EPRS1: variants seen among roughly 807,000 people sequenced by gnomAD.
EPRS1 encodes the protein bifunctional glutamate/proline--tRNA ligase.
A neutral mutation model predicts 188.3 loss-of-function variants in EPRS1; 107 were observed. The observed-to-expected ratio is 0.57, with a 90% CI of 0.49 to 0.67. The LOEUF (loss-of-function observed/expected upper bound fraction) is 0.67. EPRS1 is among the 30% of genes least tolerant of loss of function. The pLI is 0.00. For synonymous variants in EPRS1, 596 were observed against 593.1 expected, an observed-to-expected ratio of 1.00 and a Z score of -0.07; for missense variants, 1,577 against 1,802.2, an observed-to-expected ratio of 0.88 and a Z score of 2.26.
rs538433396 is a variant in EPRS1, at chr1:219,974,404, GT to G, written c.4084-1007del. On this transcript the variant is annotated intron_variant, in intron 28 of 31. Coordinates refer to ENST00000366923, the MANE Select transcript of EPRS1 (RefSeq NM_004446.3). ...CTTGGGAATGTTCAATCTTGTGAAT[GT>G]GTATCCCGTAAGGGGATTAAAATCC... Among the ~76,000 whole-genome samples the G allele has an allele frequency of 6.4e-4, 98 of 152,318 alleles. No individual in the cohort carries two copies. The South Asian group carries it at 0.02, about 31-fold the overall frequency.
chr1:220,002,884 G>T (rs1364492041), intron 16 of EPRS1, among the ~76,000 whole-genome samples: 6 of 152,144 alleles, frequency 3.9e-5, no homozygotes. Context: ...AAAGGGTATA[G>T]TAATTAGCAA....
At chr1:220,033,791 A>G (rs1662127809) in intron 3 of EPRS1, 133 bp from the exon 4 acceptor site, 1 of 616,112 alleles carries the variant, frequency 1.6e-6, no homozygotes, top group South Asian at 2.2e-5. Context: ...AAATTATACA[A>G]TTTATCATTA....
In EPRS1 at chr1:219,994,136, G is replaced by A. The variant is rs143702877; in HGVS notation, c.2541+2847C>T. On this transcript the variant is annotated intron_variant, in intron 18 of 31. Coordinates refer to ENST00000366923, the MANE Select transcript of EPRS1 (RefSeq NM_004446.3). ...GAGAAAAAAAACATGATCCCCAGCC[G>A]AAGCCACTGTCTGTGTGGAGCATGT... Among the ~76,000 whole-genome samples the A allele has an allele frequency of 3.2e-3, 486 of 152,220 alleles. 3 individuals carry two copies. The highest frequency in any genetic ancestry group is 0.011 in the African/African-American group (457 of 41,528).
At chr1:219,991,394 G>T (rs1326141728) in intron 18 of EPRS1, among the ~76,000 whole-genome samples, 2 of 151,678 alleles carry the variant, frequency 1.3e-5, no homozygotes, top group African/African-American at 2.4e-5. Context: ...CTCCTTACTA[G>T]CATATCTAAG....
At chr1:219,972,181 G>A (rs1160921377) in intron 29 of EPRS1, 34 bp from the exon 30 acceptor site, 2 of 1,337,042 alleles carry the variant, frequency 1.5e-6, no homozygotes, top group Non-Finnish European at 2.1e-6. Context: ...ATACATAATT[G>A]TTCTCACAAA....
chr1:219,980,927 T>A, intron 24 of EPRS1, 70 bp from the exon 25 acceptor site: 1 of 971,648 alleles, frequency 1.0e-6, no homozygotes, highest in Non-Finnish European at 1.6e-6. Flanking sequence ...GGAGACAGGG[T>A]CTTGCTCTGT....
chr1:220,030,576 GT>G (rs1187124564), intron 5 of EPRS1, 96 bp from the exon 6 acceptor site: 4 of 816,684 alleles, frequency 4.9e-6, no homozygotes, highest in African/African-American at 3.4e-5. Flanking sequence ...ACACACACTG[GT>G]TATGAAAAAT....
chr1:220,036,756 T>A (rs1321697213), intron 2 of EPRS1, among the ~76,000 whole-genome samples: 9 of 152,170 alleles, frequency 5.9e-5, no homozygotes, highest in Non-Finnish European at 1.0e-4. Flanking sequence ...GACAAAATAA[T>A]ATGTACAGCA....
chr1:220,013,339 AGGATCACG>A (rs1187910179), intron 12 of EPRS1, among the ~76,000 whole-genome samples: 1 of 152,248 alleles, frequency 6.6e-6, no homozygotes, highest in Non-Finnish European at 1.5e-5. Context: ...TGAGAAAACA[AGGATCACG>A]GTATTGTCGA....
chr1:220,011,895 G>A (rs1159106971), intron 12 of EPRS1, among the ~76,000 whole-genome samples: 1 of 152,190 alleles, frequency 6.6e-6, no homozygotes, highest in Non-Finnish European at 1.5e-5. Flanking sequence ...GATGAAAGCA[G>A]AGTCAAACAG....
chr1:219,972,259 T>G (rs1361450088), intron 29 of EPRS1, 112 bp from the exon 30 acceptor site: 3 of 595,332 alleles, frequency 5.0e-6, no homozygotes, highest in Non-Finnish European at 9.0e-6. Context: ...TGAGAAGGAC[T>G]CAATTTGAAT....
At chr1:219,981,316 TTA>T in intron 24 of EPRS1, 60 bp downstream of exon 24, 29 of 1,050,678 alleles carry the variant, frequency 2.8e-5, no homozygotes, top group South Asian at 5.3e-5. Flanking sequence ...AAAATGTGCT[TTA>T]AAAAAAAAAA....
intron 2 of EPRS1, among the ~76,000 whole-genome samples, chr1:220,039,588 G>T (rs193290385): frequency 9.3e-5 from 14 of 150,372 alleles, no homozygotes; most frequent in African/African-American, 3.4e-4. Flanking sequence ...GCGCGTTCTC[G>T]GTTTACTGCA....
intron 6 of EPRS1, among the ~76,000 whole-genome samples, chr1:220,029,971 T>TG (rs1205538352): frequency 6.6e-6 from 1 of 152,108 alleles, no homozygotes; most frequent in East Asian, 1.9e-4. Flanking sequence ...CCCCTTCACT[T>TG]GGGGAAAAAA....
chr1:220,019,914 C>T, intron 10 of EPRS1, 74 bp downstream of exon 10: 1 of 1,007,124 alleles, frequency 9.9e-7, no homozygotes, highest in Non-Finnish European at 1.5e-6. Flanking sequence ...CCTTCCCTAT[C>T]TCTCAAGCAG....
chr1:219,971,729 C>G (rs1235596754), intron 30 of EPRS1, among the ~76,000 whole-genome samples: 2 of 141,510 alleles, frequency 1.4e-5, no homozygotes, highest in Admixed American at 1.4e-4. Flanking sequence ...ACAAGTATTA[C>G]CCCCAAAATG....
intron 6 of EPRS1, among the ~76,000 whole-genome samples, chr1:220,025,962 T>C (rs1207871336): frequency 1.3e-5 from 2 of 152,198 alleles, no homozygotes; most frequent in East Asian, 3.9e-4. Flanking sequence ...GCCCAGCTAA[T>C]TTTTGTATTT....
chr1:220,019,538 A>G (rs964991251), intron 10 of EPRS1, among the ~76,000 whole-genome samples: 1 of 152,244 alleles, frequency 6.6e-6, no homozygotes, highest in Admixed American at 6.5e-5. Context: ...GGGATCTGCA[A>G]ACCTCAGTAA....
At chr1:220,011,284 T>C (rs1489957040) in intron 12 of EPRS1, among the ~76,000 whole-genome samples, 1 of 152,212 alleles carries the variant, frequency 6.6e-6, no homozygotes, top group Non-Finnish European at 1.5e-5. Context: ...GAATAGCTAC[T>C]GGCAGGTGAA....
Sources: gnomAD v4.1 joint callset for allele counts (sites outside exome capture counted in the v4.1 genomes callset) on GRCh38, gnomAD v4.1.1 for gene constraint, MANE v1.5 for transcripts, NCBI Gene and HGNC (gene_info 2026-07-23, HGNC 2026-07-21) for gene names.